RAET1G: variants seen among roughly 807,000 people sequenced by gnomAD.
RAET1G encodes the protein retinoic acid early transcript 1G.
A neutral mutation model predicts 29.5 loss-of-function variants in RAET1G; 25 were observed. The observed-to-expected ratio is 0.85, with a 90% confidence interval of 0.62 to 1.18. The LOEUF (loss-of-function observed/expected upper bound fraction) is 1.18. Among genes scored for constraint, RAET1G ranks in the 50% most tolerant of loss-of-function variants. RAET1G has a pLI of 0.00. For synonymous variants in RAET1G, 167 were observed against 159.5 expected (o/e 1.05, Z -0.36); for missense variants, 434 against 423.6 (o/e 1.02, Z -0.22).
intron 4 of RAET1G, 122 bp downstream of exon 4, chr6:149,918,052 C>T: frequency 1.2e-6 from 1 of 861,290 alleles, no homozygotes; most frequent in South Asian, 1.7e-5. Context: ...GTCTCATTCA[C>T]CTGTCTCATG....
chr6:149,921,067 G>A (rs1337204498), intron 1 of RAET1G, among the ~76,000 whole-genome samples: 5 of 152,200 alleles, frequency 3.3e-5, no homozygotes, highest in Admixed American at 2.6e-4. Context: ...TTCTCCAAAC[G>A]TATTTATGGC....
chr6:149,917,089 G>A lies in RAET1G; in HGVS notation c.843-15C>T. On this transcript the variant is annotated splice_polypyrimidine_tract_variant and intron_variant, in intron 4 of 4. Transcript: ENST00000367360. ...CTATTTGGTAGCTGAGGCGGAGAGA[G>A]AGAGGACAGCTTACGTCATTGTTTC... is the stretch of plus-strand genomic sequence containing the variant. The A allele has an allele frequency of 1.3e-6, 2 of 1,538,756 alleles. No homozygotes were observed. Among genetic ancestry groups the A allele is most frequent in the East Asian group, 2.5e-5 (1 of 40,724 alleles).
chr6:149,919,598 T>G lies in RAET1G; in HGVS notation c.304A>C (p.Thr102Pro). The change falls in exon 2 of 5, where the codon ACA becomes CCA. Residue 102 changes from threonine to proline, a missense_variant. Physicochemically the swap from Thr to Pro is conservative, Grantham distance 38. Coordinates refer to ENST00000367360, the MANE Select transcript of RAET1G (RefSeq NM_001001788.4). ...AGCTGAATGTCAAGCAGTTGCTCTG[T>G]AAGTATGTCCACCACCTCTCTCAGT... ...PVLREVVDIL[T>P]EQLLDIQLEN... 6.2e-7 allele frequency: 1 copy of G among 1,614,034 alleles called. No homozygotes were observed.
chr6:149,921,568 G>T (rs1030297182), intron 1 of RAET1G, among the ~76,000 whole-genome samples: 5 of 152,180 alleles, frequency 3.3e-5, no homozygotes, highest in African/African-American at 1.2e-4. Flanking sequence ...CCGGGAAGCT[G>T]CACAAGCAGT....
chr6:149,918,920 C>T lies in RAET1G; in HGVS notation c.631+123G>A, dbSNP rs190270651. Reference sequence around the variant, plus strand: ...CAGCACCCCCAGGAGGAGCACCCCACGAGGAGGTCATTTTAACATAAACGT... The same window carrying T: ...CAGCACCCCCAGGAGGAGCACCCCATGAGGAGGTCATTTTAACATAAACGT... On this transcript the variant is annotated intron_variant, in intron 3 of 4. Transcript: ENST00000367360. 1.3e-4 allele frequency: 199 copies of T among 1,507,624 alleles called. No homozygotes were observed. In the African/African-American group the frequency reaches 2.2e-3, roughly 17 times the overall value. The allele number at this position is 1,507,624 out of a possible 1,614,324, so 93.4% of individuals were successfully genotyped here.
At chr6:149,922,037 G>T (rs1778609981) in intron 1 of RAET1G, among the ~76,000 whole-genome samples, 1 of 152,296 alleles carries the variant, frequency 6.6e-6, no homozygotes, top group African/African-American at 2.4e-5. Context: ...GAAAGGGTTT[G>T]CTGACCCCTG....
chr6:149,922,284 G>T (rs568771311), intron 1 of RAET1G, among the ~76,000 whole-genome samples: 1 of 152,270 alleles, frequency 6.6e-6, no homozygotes, highest in East Asian at 1.9e-4. Context: ...GGTCGCGAGG[G>T]CCCCTTCATG....
chr6:149,917,174 C>G (rs1432125779), intron 4 of RAET1G, 100 bp from the exon 5 acceptor site: 1 of 1,413,922 alleles, frequency 7.1e-7, no homozygotes, highest in South Asian at 1.6e-5. Flanking sequence ...ATCTAGAAGG[C>G]GGAGCCAGGT....
In RAET1G at chr6:149,918,170, A is replaced by G; in HGVS notation, c.842+4T>C. The G allele has an allele frequency of 6.2e-7, 1 of 1,613,592 alleles. No homozygotes were observed. The highest frequency in any genetic ancestry group is 8.5e-7 in the Non-Finnish European group (1 of 1,179,640). ...TTGCTCCACTCCCAATTCTGCCCCC[A>G]TACCTGTCACTCCAAAGGACTCTCC... is the stretch of plus-strand genomic sequence containing the variant. On this transcript the variant is annotated splice_donor_region_variant and intron_variant, in intron 4 of 4. Transcript: ENST00000367360.
Position 149,917,012 on chromosome 6 carries a change from A to G in RAET1G, c.905T>C (p.Ile302Thr), listed in dbSNP as rs367871952. 5.4e-5 allele frequency: 83 copies of G among 1,550,694 alleles called. No homozygotes were observed. In the East Asian group the frequency reaches 5.6e-4, roughly 11 times the overall value. The change falls in exon 5 of 5, where the codon ATT (isoleucine) becomes ACT (threonine). Residue 302 changes from isoleucine to threonine, a missense_variant. Transcript: ENST00000367360. ...GGGTAAGGAGTGTGAGTCGTCTCCAATGATAGGTAAAGTCACGCGAGTCAC... is the reference window on the plus strand; with the variant it reads ...GGGTAAGGAGTGTGAGTCGTCTCCAGTGATAGGTAAAGTCACGCGAGTCAC... ...GHVTRVTLPI[I>T]GDDSHSLPCP...
In RAET1G at chr6:149,918,335, G is replaced by A; in HGVS notation, c.681C>T (p.Thr227=). Residue 227 remains threonine, a synonymous_variant, in exon 4 of 5, where the codon ACC becomes ACT. Transcript: ENST00000367360. The part of the protein sequence containing the change: ...SGTAQPRATA[T]TLILCCLLIM... Reference sequence around the variant, plus strand: ...TGAGGAGGCAGCAAAGGATGAGGGTGGTGGCCGTGGCCCTGGGTTGGGCTG... The same window carrying A: ...TGAGGAGGCAGCAAAGGATGAGGGTAGTGGCCGTGGCCCTGGGTTGGGCTG... 1.2e-6 allele frequency: 2 copies of A among 1,614,146 alleles called. No homozygotes were observed. The highest frequency in any genetic ancestry group is 1.7e-6 in the Non-Finnish European group (2 of 1,179,998).
chr6:149,916,898 G>A lies in RAET1G; in HGVS notation c.*14C>T. ...AAAGAGACGGAAGAAAAGACAGCTG[G>A]GCCCAGGGAACCATCAAGATATGGA... On this transcript the variant is annotated 3_prime_UTR_variant, in exon 5 of 5. Coordinates refer to ENST00000367360, the MANE Select transcript of RAET1G (RefSeq NM_001001788.4). 1 of 1,491,340 alleles carries A rather than the reference G, an allele frequency of 6.7e-7. No individual in the cohort carries two copies. The highest frequency in any genetic ancestry group is 8.9e-7 in the Non-Finnish European group (1 of 1,117,558). The allele number at this position is 1,491,340 out of a possible 1,614,324, so 92.4% of individuals were successfully genotyped here. A position where few individuals can be genotyped will look rare whatever the true frequency, so the allele number is the denominator to read the frequency against.
At chr6:149,917,442 A>C (rs1212390187) in intron 4 of RAET1G, among the ~76,000 whole-genome samples, 1 of 152,216 alleles carries the variant, frequency 6.6e-6, no homozygotes, top group Non-Finnish European at 1.5e-5. Context: ...CTGTCTGGGC[A>C]TGACAGAGGG....
intron 4 of RAET1G, 66 bp downstream of exon 4, chr6:149,918,092 GTGGGACTCTGGGAATT>G (rs1773716074): frequency 3.3e-6 from 4 of 1,220,718 alleles, no homozygotes; most frequent in Middle Eastern, 2.3e-4. Context: ...GCCATAGGGA[GTGGGACTCTGGGAATT>G]CTCCATCCCT....
intron 1 of RAET1G, among the ~76,000 whole-genome samples, chr6:149,921,689 C>T (rs552850439): frequency 9.2e-5 from 14 of 152,226 alleles, no homozygotes; most frequent in African/African-American, 3.4e-4. Context: ...TGCCACTCAG[C>T]AGCAAAGGAG....
At chr6:149,922,877 C>CCCCCCACGGTTGGCCT (rs1432043524) in intron 1 of RAET1G, 49 bp downstream of exon 1, 3 of 1,362,414 alleles carry the variant, frequency 2.2e-6, no homozygotes, top group African/African-American at 2.9e-5. Context: ...CAGTCCACAG[C>CCCCCCACGGTTGGCCT]CCCCCACGGT....
intron 3 of RAET1G, chr6:149,918,764 G>T (rs1158399597): frequency 1.7e-6 from 1 of 605,080 alleles, no homozygotes; most frequent in Non-Finnish European, 2.9e-6. Context: ...AAGGAGAAAG[G>T]CCTGAAAATA....
chr6:149,919,440 A>G, intron 2 of RAET1G, 113 bp downstream of exon 2: 1 of 1,607,962 alleles, frequency 6.2e-7, no homozygotes, highest in Non-Finnish European at 8.5e-7. Flanking sequence ...TTGCCTCTAG[A>G]CGTCTTGCGG....
chr6:149,922,970 G>A lies in RAET1G; in HGVS notation c.41C>T (p.Pro14Leu). 1 of 1,606,274 alleles carries A rather than the reference G, an allele frequency of 6.2e-7. No homozygotes were observed. The highest frequency in any genetic ancestry group is 8.5e-7 in the Non-Finnish European group (1 of 1,177,096). The change falls in exon 1 of 5, where the codon CCG (proline) becomes CTG (leucine). Residue 14 changes from proline to leucine, a missense_variant. Coordinates refer to ENST00000367360, the MANE Select transcript of RAET1G (RefSeq NM_001001788.4). ...AASPAFLLRL[P>L]LLLLLSSWCR... ...CCAGCTGGACAGCAGGAGCAGAAGC[G>A]GGAGGCGTAGAAGGAACGCGGGGCT...
Sources: gnomAD v4.1 joint callset for allele counts (sites outside exome capture counted in the v4.1 genomes callset) on GRCh38, gnomAD v4.1.1 for gene constraint, MANE v1.5 for transcripts, NCBI Gene and HGNC (gene_info 2026-07-23, HGNC 2026-07-21) for gene names.